Variants in FKBP1B observed in about 807,000 individuals in gnomAD.
The protein encoded by FKBP1B is peptidyl-prolyl cis-trans isomerase FKBP1B.
A neutral mutation model predicts 13.5 loss-of-function variants in FKBP1B; 4 were observed. The observed-to-expected ratio is 0.30, with a 90% CI of 0.15 to 0.68. The LOEUF (loss-of-function observed/expected upper bound fraction) is 0.68, where lower values mean the gene tolerates loss of function less well. FKBP1B is among the 30% of genes least tolerant of loss of function. The probability of loss-of-function intolerance (pLI) is 0.76; values close to 1 mark genes in which losing one functional copy is unlikely to be tolerated. For synonymous variants in FKBP1B, 54 were observed against 53.6 expected (o/e 1.01, Z -0.03); for missense variants, 93 against 136.2 (o/e 0.68, Z 1.58).
the FKBP1B span, chr2:24,038,397 G>T: frequency 6.2e-7 from 1 of 1,614,200 alleles, no homozygotes; most frequent in South Asian, 1.1e-5. Flanking sequence ...TGACAGAGTA[G>T]ATCAAAATTA....
At chr2:24,041,572 CTTACACCCA>C in the FKBP1B span, among the ~76,000 whole-genome samples, 1 of 151,942 alleles carries the variant, frequency 6.6e-6, no homozygotes, top group Non-Finnish European at 1.5e-5. Flanking sequence ...CCACCCAGCA[CTTACACCCA>C]TTACACCCAA....
chr2:24,049,556 C>G, upstream of FKBP1B: 1 of 322,756 alleles, frequency 3.1e-6, no homozygotes. Context: ...GTGCTTACCA[C>G]GCTCCCTGGT....
chr2:24,063,466 A>G lies in FKBP1B; in HGVS notation c.*274A>G. ...TAGTAGCCTTTCCTGATGACAGAAC[A>G]CAGATCTCTTGTTCGCACAATCTAC... On this transcript the variant is annotated 3_prime_UTR_variant, in exon 4 of 4. Transcript: ENST00000380986. The G allele has an allele frequency of 2.5e-6, 1 of 406,000 alleles. No homozygotes were observed. The highest frequency in any genetic ancestry group is 4.4e-6 in the Non-Finnish European group (1 of 227,578). The allele number at this position is 406,000 out of a possible 1,614,324, so 25.1% of individuals were successfully genotyped here.
the FKBP1B span, among the ~76,000 whole-genome samples, chr2:24,041,153 A>G: frequency 2.0e-5 from 3 of 152,000 alleles, no homozygotes; most frequent in Non-Finnish European, 4.4e-5. Context: ...AGCCTGGCCA[A>G]CATGGTGTAA....
At chr2:24,054,846 G>A (rs574935350) in intron 2 of FKBP1B, among the ~76,000 whole-genome samples, 1 of 152,318 alleles carries the variant, frequency 6.6e-6, no homozygotes, top group African/African-American at 2.4e-5. Flanking sequence ...TTTGCATGTT[G>A]TAGACAGACC....
rs1444289340 is a variant in FKBP1B, at chr2:24,050,914, A to G, written c.37+1028A>G. ...GCAGGAAACATTGCTGCTGGGTCCCAGAAAGCATCTCCCTGAGGCCTTTTC... is the reference window on the plus strand; with the variant it reads ...GCAGGAAACATTGCTGCTGGGTCCCGGAAAGCATCTCCCTGAGGCCTTTTC... On this transcript the variant is annotated intron_variant, in intron 1 of 3. Transcript: ENST00000380986. This position sits in a 1 kb window ranked among gnomAD's most constrained non-coding sequence, Gnocchi z 5.8. Among the ~76,000 whole-genome samples the G allele has an allele frequency of 6.6e-6, 1 of 152,222 alleles. No homozygotes were observed. Among genetic ancestry groups the G allele is most frequent in the Non-Finnish European group, 1.5e-5 (1 of 68,038 alleles).
At chr2:24,035,143 T>G in the FKBP1B span, among the ~76,000 whole-genome samples, 3 of 151,960 alleles carry the variant, frequency 2.0e-5, no homozygotes, top group Non-Finnish European at 2.9e-5. Flanking sequence ...TTTTACTTTC[T>G]GTAATGGTAA....
At chr2:24,045,307 G>A (rs1663576254), upstream of FKBP1B, among the ~76,000 whole-genome samples, 4 of 152,156 alleles carry the variant, frequency 2.6e-5, no homozygotes, top group African/African-American at 7.2e-5. Flanking sequence ...TCAAAGGCAA[G>A]GAAGGCAGGG....
chr2:24,063,238 CT>C lies in FKBP1B; in HGVS notation c.*47del. On this transcript the variant is annotated 3_prime_UTR_variant, in exon 4 of 4. Transcript: ENST00000380986. ...TGGCTGGAGATGGCTGCTGCTCACC[CT>C]CCTAGCCTGCTCTGCCACTGGGACG... The C allele has an allele frequency of 6.6e-7, 1 of 1,517,324 alleles. No individual in the cohort carries two copies. Among genetic ancestry groups the C allele is most frequent in the Non-Finnish European group, 8.8e-7 (1 of 1,133,576 alleles). 94.0% of individuals were successfully genotyped at this position (1,517,324 alleles called of 1,614,324 possible).
chr2:24,042,840 C>A, the FKBP1B span, among the ~76,000 whole-genome samples: 1 of 151,680 alleles, frequency 6.6e-6, no homozygotes, highest in Non-Finnish European at 1.5e-5. Flanking sequence ...TCGAGACCAG[C>A]CTGACCAACA....
At position 24,050,211 on chromosome 2, in the gene FKBP1B, C is replaced by T. The variant is rs1468321833; in HGVS notation, c.37+325C>T. ...CGGTTATCCGCTGCTGCTGATACCC[C>T]AGCCTGGGTTTCGGCTTCGCTTTCC... On this transcript the variant is annotated intron_variant, in intron 1 of 3. Transcript: ENST00000380986. This position sits in a 1 kb window ranked among gnomAD's most constrained non-coding sequence, Gnocchi z 5.8. 6.6e-6 allele frequency among the ~76,000 whole-genome samples: 1 copy of T among 152,188 alleles called. No individual in the cohort carries two copies. The highest frequency in any genetic ancestry group is 2.1e-4 in the South Asian group (1 of 4,828).
rs1425836816 is a variant in FKBP1B, at chr2:24,050,177, G to A, written c.37+291G>A. On this transcript the variant is annotated intron_variant, in intron 1 of 3. Coordinates refer to ENST00000380986, the MANE Select transcript of FKBP1B (RefSeq NM_004116.5). This position sits in a 1 kb window ranked among gnomAD's most constrained non-coding sequence, Gnocchi z 5.8. ...GCCCCGGGCTTCTCCTGTCGCGGCTGCAGTCGTTCGGTTATCCGCTGCTGC... is the reference window on the plus strand; with the variant it reads ...GCCCCGGGCTTCTCCTGTCGCGGCTACAGTCGTTCGGTTATCCGCTGCTGC... Among the ~76,000 whole-genome samples the A allele has an allele frequency of 6.6e-6, 1 of 152,186 alleles. No homozygotes were observed. Among genetic ancestry groups the A allele is most frequent in the Non-Finnish European group, 1.5e-5 (1 of 68,016 alleles).
upstream of FKBP1B, among the ~76,000 whole-genome samples, chr2:24,049,375 A>G (rs964722275): frequency 6.6e-6 from 1 of 152,054 alleles, no homozygotes; most frequent in Non-Finnish European, 1.5e-5. Context: ...TGTCTAAAAT[A>G]AAAATAAAAA....
At chr2:24,036,076 AT>A in the FKBP1B span, among the ~76,000 whole-genome samples, 10 of 148,298 alleles carry the variant, frequency 6.7e-5, no homozygotes, top group African/African-American at 2.2e-4. Flanking sequence ...AAATAAATAA[AT>A]AAATAAATAA....
chr2:24,048,371 T>G (rs1663699451), upstream of FKBP1B, among the ~76,000 whole-genome samples: 1 of 149,490 alleles, frequency 6.7e-6, no homozygotes, highest in South Asian at 2.1e-4. Context: ...CTTGGGAGAC[T>G]GAGGCACGAG....
chr2:24,037,858 T>C, the FKBP1B span: 377 of 1,614,108 alleles, frequency 2.3e-4, 1 homozygote, highest in Non-Finnish European at 7.0e-5. Flanking sequence ...TTGTAAGTTC[T>C]TTCTTTGAGG....
intron 2 of FKBP1B, among the ~76,000 whole-genome samples, chr2:24,056,221 C>A (rs570401495): frequency 2.4e-4 from 37 of 151,810 alleles, no homozygotes; most frequent in African/African-American, 8.2e-4. Flanking sequence ...AACTCCTGAC[C>A]TCAGGTGATC....
chr2:24,063,187 G>GC lies in FKBP1B; in HGVS notation c.322_323insC (p.Glu108AlafsTer34), dbSNP rs754013299. 6.3e-7 allele frequency: 1 copy of GC among 1,592,244 alleles called. No individual in the cohort carries two copies. Among genetic ancestry groups the GC allele is most frequent in the African/African-American group, 1.3e-5 (1 of 74,362 alleles). ...CTTTGACGTGGAGCTGCTCAACTTA[G>GC]AGTGAAGGCAGGAAGGAACTCAAGG... On this transcript the variant is annotated frameshift_variant, in exon 4 of 4. Coordinates refer to ENST00000380986, the MANE Select transcript of FKBP1B (RefSeq NM_004116.5). LOFTEE classifies it high-confidence loss of function.
the FKBP1B span, chr2:24,037,568 T>C: frequency 8.0e-7 from 1 of 1,255,422 alleles, no homozygotes; most frequent in African/African-American, 1.5e-5. Flanking sequence ...ATGCCCAGCT[T>C]AGTGAAGCTC....
Sources: gnomAD v4.1 joint callset for allele counts (sites outside exome capture counted in the v4.1 genomes callset) on GRCh38, gnomAD v4.1.1 for gene constraint, Gnocchi (gnomAD v3.1) non-coding constraint, MANE v1.5 for transcripts, NCBI Gene and HGNC (gene_info 2026-07-23, HGNC 2026-07-21) for gene names.